SRBD1: variants seen among roughly 807,000 people sequenced by gnomAD.
SRBD1 encodes the protein S1 RNA-binding domain-containing protein 1.
In SRBD1, 88 loss-of-function variants were observed where a neutral mutation model predicts 115.3. The observed-to-expected ratio is 0.76, with a 90% CI of 0.64 to 0.91. The LOEUF (loss-of-function observed/expected upper bound fraction) is 0.91. SRBD1 is among the 40% of genes least tolerant of loss of function. The probability of loss-of-function intolerance (pLI) is 0.00; values close to 1 mark genes in which losing one functional copy is unlikely to be tolerated. For missense variants in SRBD1, 1,385 were observed against 1,177.4 expected (o/e 1.18, Z -2.58); for synonymous variants, 509 against 407.7 (o/e 1.25, Z -2.99).
At chr2:45,418,703 GAA>G (rs2103631026) in intron 17 of SRBD1, among the ~76,000 whole-genome samples, 162 bp from the exon 18 acceptor site, 1 of 146,392 alleles carries the variant, frequency 6.8e-6, no homozygotes, top group East Asian at 2.0e-4. Context: ...AAAAAACGGA[GAA>G]AAAAAGAGTT....
rs1159256094 is a variant in SRBD1 at position 45,393,096 on chromosome 2, C to T, written c.2547G>A (p.Glu849=). The change falls in exon 20 of 21, where the codon GAG becomes GAA. Residue 849 remains glutamate (E), a synonymous_variant. Transcript: ENST00000263736. The stretch of plus-strand genomic sequence containing the variant: ...TTTGTTGCATTTCAGGCTTTCCAAC[C>T]TCATACAGTGTCCCTCCAATGGATG... ...FLSSIGGTLY[E]VGKPEMQQKI... is the part of the protein sequence containing the mutation. 4.2e-5 allele frequency: 68 copies of T among 1,612,594 alleles called. No individual in the cohort carries two copies. The highest frequency in any genetic ancestry group is 5.5e-5 in the Non-Finnish European group (65 of 1,179,568).
At chr2:45,573,106 A>G in intron 9 of SRBD1, 101 bp downstream of exon 9, 1 of 1,255,436 alleles carries the variant, frequency 8.0e-7, no homozygotes, top group Non-Finnish European at 1.1e-6. Flanking sequence ...AAAAGAAAAC[A>G]GTTGACATAA....
At chr2:45,427,682 T>C (rs1437272549) in intron 16 of SRBD1, among the ~76,000 whole-genome samples, 1 of 152,112 alleles carries the variant, frequency 6.6e-6, no homozygotes, top group Non-Finnish European at 1.5e-5. Context: ...TTCAGGCCAA[T>C]ATCCCTGATG....
intron 14 of SRBD1, among the ~76,000 whole-genome samples, chr2:45,521,778 G>A (rs1312430839): frequency 6.6e-6 from 1 of 151,970 alleles, no homozygotes; most frequent in African/African-American, 2.4e-5. Context: ...ACTAGCCTGG[G>A]CAACATGGTG....
At chr2:45,399,371 T>C (rs1667232942) in intron 19 of SRBD1, among the ~76,000 whole-genome samples, 1 of 152,152 alleles carries the variant, frequency 6.6e-6, no homozygotes, top group Admixed American at 6.6e-5. Context: ...CAGTATAAAA[T>C]AGTCTTCCGC....
chr2:45,544,232 C>CAAAA (rs777800446), intron 14 of SRBD1, among the ~76,000 whole-genome samples: 1 of 72,284 alleles, frequency 1.4e-5, no homozygotes, highest in Admixed American at 1.6e-4. Flanking sequence ...GACTCCGGCT[C>CAAAA]AAAAAAAAAA....
At chr2:45,608,070 A>G (rs1674327932) in intron 1 of SRBD1, among the ~76,000 whole-genome samples, 1 of 152,172 alleles carries the variant, frequency 6.6e-6, no homozygotes, top group South Asian at 2.1e-4. Context: ...CACACAGACT[A>G]CCATATACTA....
intron 5 of SRBD1, among the ~76,000 whole-genome samples, chr2:45,583,783 A>G (rs72618609): frequency 0.092 from 13,936 of 152,196 alleles, 974 homozygotes; most frequent in African/African-American, 0.18. Flanking sequence ...TGTATTATAG[A>G]AAAAGATCTC....
chr2:45,575,984 G>A (rs956403168), intron 7 of SRBD1, among the ~76,000 whole-genome samples: 10 of 152,132 alleles, frequency 6.6e-5, no homozygotes, highest in Admixed American at 2.0e-4. Flanking sequence ...GATTACAGGC[G>A]TGAGCCACTG....
chr2:45,473,855 A>C (rs930873020), intron 16 of SRBD1, among the ~76,000 whole-genome samples: 2 of 152,194 alleles, frequency 1.3e-5, no homozygotes, highest in Non-Finnish European at 2.9e-5. Flanking sequence ...CAGTTCAGGA[A>C]AATTTCCTAT....
chr2:45,393,602 G>A (rs906902900), intron 19 of SRBD1, among the ~76,000 whole-genome samples: 5 of 152,122 alleles, frequency 3.3e-5, no homozygotes, highest in African/African-American at 9.7e-5. Flanking sequence ...GGATGGTCTC[G>A]ATCTCCTGAC....
At chr2:45,606,679 G>C (rs1674284543) in intron 1 of SRBD1, among the ~76,000 whole-genome samples, 1 of 152,078 alleles carries the variant, frequency 6.6e-6, no homozygotes, top group Non-Finnish European at 1.5e-5. Context: ...AAAAAGTTAA[G>C]ACAAATAACC....
At chr2:45,450,924 C>T (rs1338459024) in intron 16 of SRBD1, among the ~76,000 whole-genome samples, 2 of 152,108 alleles carry the variant, frequency 1.3e-5, no homozygotes, top group Non-Finnish European at 2.9e-5. Context: ...GTGGGAACTC[C>T]TGCAGAAATA....
chr2:45,568,899 T>G (rs1672919408), intron 9 of SRBD1, among the ~76,000 whole-genome samples: 1 of 152,274 alleles, frequency 6.6e-6, no homozygotes, highest in African/African-American at 2.4e-5. Context: ...TAACTACGTA[T>G]GTAAAATTTC....
intron 16 of SRBD1, among the ~76,000 whole-genome samples, chr2:45,423,867 A>G (rs779660926): frequency 1.9e-4 from 29 of 152,308 alleles, no homozygotes; most frequent in Non-Finnish European, 2.9e-4. Flanking sequence ...TAATGTATTC[A>G]GTATGTATGA....
intron 14 of SRBD1, among the ~76,000 whole-genome samples, chr2:45,499,158 TG>T (rs1670551476): frequency 6.6e-6 from 1 of 150,568 alleles, no homozygotes; most frequent in African/African-American, 2.5e-5. Flanking sequence ...CTCCAGCATT[TG>T]TTATTTTTTA....
At position 45,438,411 on chromosome 2, in the gene SRBD1, A is replaced by G. The variant is rs558157064; in HGVS notation, c.2050-18517T>C. 5.9e-5 allele frequency among the ~76,000 whole-genome samples: 9 copies of G among 152,360 alleles called. No individual in the cohort carries two copies. The South Asian group carries it at 1.4e-3, about 25-fold the overall frequency. On this transcript the variant is annotated intron_variant, in intron 16 of 20. Transcript: ENST00000263736. ...AGAATAATGGGTCAACTTATCCAGC[A>G]GAAACCAAACTAGGATGACCCAGAT... is the stretch of plus-strand genomic sequence containing the variant.
In SRBD1 at chr2:45,454,930, T is replaced by C. The variant is rs367995406; in HGVS notation, c.2049+22063A>G. ...TTTTACTTCTCCAAGCTTTGTTTCT[T>C]GAATCCATAATTTTTATATATTTTA... On this transcript the variant is annotated intron_variant, in intron 16 of 20. Coordinates refer to ENST00000263736, the MANE Select transcript of SRBD1 (RefSeq NM_018079.5). 1.1e-4 allele frequency among the ~76,000 whole-genome samples: 16 copies of C among 152,000 alleles called. No homozygotes were observed. In the South Asian group the frequency reaches 3.3e-3, roughly 31 times the overall value.
chr2:45,510,395 C>T (rs1202814528), intron 14 of SRBD1, among the ~76,000 whole-genome samples: 1 of 152,142 alleles, frequency 6.6e-6, no homozygotes, highest in Admixed American at 6.5e-5. Flanking sequence ...ACATTTTACA[C>T]CTAAATTTAT....
Sources: gnomAD v4.1 joint callset for allele counts (sites outside exome capture counted in the v4.1 genomes callset) on GRCh38, gnomAD v4.1.1 for gene constraint, MANE v1.5 for transcripts, NCBI Gene and HGNC (gene_info 2026-07-23, HGNC 2026-07-21) for gene names.